PDZRN4: variants seen among roughly 807,000 people sequenced by gnomAD.
PDZRN4 encodes PDZ domain-containing RING finger protein 4.
Under a neutral mutation model 99.0 loss-of-function variants are expected in PDZRN4, and 70 were observed. The ratio of observed to expected loss-of-function variants is 0.71; its 90% CI spans 0.58 to 0.86. The LOEUF is 0.86. Among genes scored for constraint, PDZRN4 ranks in the 40% least tolerant of loss-of-function variants. PDZRN4 has a pLI of 0.00. For missense variants in PDZRN4, 1,474 were observed against 1,331.2 expected, an observed-to-expected ratio of 1.11 and a Z score of -1.67; for synonymous variants, 551 against 501.6, an observed-to-expected ratio of 1.10 and a Z score of -1.32.
intron 3 of PDZRN4, among the ~76,000 whole-genome samples, chr12:41,334,347 T>C (rs1346361431): frequency 6.8e-6 from 1 of 146,782 alleles, no homozygotes; most frequent in Non-Finnish European, 1.5e-5. Context: ...CTAAATATAA[T>C]GAAGCTTTAG....
chr12:41,201,450 T>C (rs1950815750), intron 3 of PDZRN4, among the ~76,000 whole-genome samples: 1 of 152,136 alleles, frequency 6.6e-6, no homozygotes. Context: ...TTTGATGTTC[T>C]TTTCCCCCAA....
intron 3 of PDZRN4, among the ~76,000 whole-genome samples, chr12:41,235,517 C>T (rs1391889257): frequency 2.6e-5 from 4 of 152,102 alleles, no homozygotes; most frequent in African/African-American, 9.7e-5. Flanking sequence ...GAGTGAGTTC[C>T]TATGCACACA....
At chr12:41,263,837 A>T (rs975473019) in intron 3 of PDZRN4, among the ~76,000 whole-genome samples, 51 of 152,314 alleles carry the variant, frequency 3.3e-4, no homozygotes, top group African/African-American at 1.1e-3. Context: ...TATCATATAT[A>T]ATCCCACACC....
intron 3 of PDZRN4, among the ~76,000 whole-genome samples, chr12:41,390,562 C>CAAAAAAAAAAA (rs766893966): frequency 1.5e-4 from 15 of 101,340 alleles, no homozygotes; most frequent in East Asian, 2.9e-4. Context: ...AACTCCTAAG[C>CAAAAAAAAAAA]AAAAAAAAAA....
intron 3 of PDZRN4, among the ~76,000 whole-genome samples, chr12:41,468,126 T>G (rs892865174): frequency 3.9e-5 from 6 of 152,162 alleles, no homozygotes; most frequent in Non-Finnish European, 7.4e-5. Flanking sequence ...TGAGGGATGT[T>G]GTAATAGGAG....
chr12:41,481,505 T>C (rs184156497), intron 3 of PDZRN4, among the ~76,000 whole-genome samples: 2 of 152,272 alleles, frequency 1.3e-5, no homozygotes, highest in African/African-American at 4.8e-5. Context: ...AATTTGAATC[T>C]GGTAAATTAG....
At chr12:41,273,593 T>TATAC (rs1951330450) in intron 3 of PDZRN4, among the ~76,000 whole-genome samples, 1 of 152,076 alleles carries the variant, frequency 6.6e-6, no homozygotes, top group Admixed American at 6.6e-5. Flanking sequence ...TTGGAAGTTT[T>TATAC]GACACTACTC....
In PDZRN4 at chr12:41,535,656, T is replaced by C. The variant is rs564695646; in HGVS notation, c.1204-17000T>C. Among the ~76,000 whole-genome samples, 4 of 152,292 alleles carry C rather than the reference T, an allele frequency of 2.6e-5. No individual in the cohort carries two copies. The East Asian group carries it at 7.7e-4, about 29-fold the overall frequency. ...AGGCTATTGGACCATGAGGGCTGTG[T>C]TCTCACAAATGCGTTAATGCTCTTA... On this transcript the variant is annotated intron_variant, in intron 5 of 9. Coordinates refer to ENST00000402685, the MANE Select transcript of PDZRN4 (RefSeq NM_001164595.2).
intron 3 of PDZRN4, among the ~76,000 whole-genome samples, chr12:41,368,325 C>A (rs1362890007): frequency 2.6e-5 from 4 of 152,010 alleles, no homozygotes; most frequent in Non-Finnish European, 5.9e-5. Context: ...TTGAGCATTT[C>A]CAGTATTTTC....
chr12:41,537,531 G>A lies in PDZRN4; in HGVS notation c.1204-15125G>A, dbSNP rs570278032. On this transcript the variant is annotated intron_variant, in intron 5 of 9. Transcript: ENST00000402685. ...TCAGTTTGGCTAGGTCGTCAGATGT[G>A]TGAGTGGAATAGTAGCAGATTTGGG... Among the ~76,000 whole-genome samples the A allele has an allele frequency of 5.3e-5, 8 of 152,250 alleles. No homozygotes were observed. In the East Asian group the frequency reaches 1.4e-3, roughly 26 times the overall value.
intron 3 of PDZRN4, among the ~76,000 whole-genome samples, chr12:41,287,262 C>T (rs911822265): frequency 5.9e-5 from 9 of 152,188 alleles, no homozygotes; most frequent in African/African-American, 1.4e-4. Context: ...CTGCTAGAGG[C>T]ATAGCCTAGA....
At chr12:41,338,773 A>T (rs560481846) in intron 3 of PDZRN4, among the ~76,000 whole-genome samples, 74 of 152,150 alleles carry the variant, frequency 4.9e-4, no homozygotes, top group African/African-American at 1.6e-3. Flanking sequence ...GAAACACTGA[A>T]CCAACCGATC....
At chr12:41,566,104 C>T (rs1939366464) in intron 8 of PDZRN4, among the ~76,000 whole-genome samples, 1 of 152,122 alleles carries the variant, frequency 6.6e-6, no homozygotes. Flanking sequence ...AAAGCCTTAT[C>T]AAAATAGACA....
intron 5 of PDZRN4, among the ~76,000 whole-genome samples, chr12:41,537,622 G>T (rs75556311): frequency 1.3e-5 from 2 of 152,154 alleles, no homozygotes; most frequent in Non-Finnish European, 1.5e-5. Flanking sequence ...TTGGACTTCA[G>T]TAGTGCTGTA....
chr12:41,188,579 C>A lies in PDZRN4; in HGVS notation c.124C>A (p.Leu42Met). The change falls in exon 1 of 10, where the codon CTG becomes ATG. Residue 42 changes from leucine to methionine, a missense_variant. Coordinates refer to ENST00000402685, the MANE Select transcript of PDZRN4 (RefSeq NM_001164595.2). ...PCGHVFCASC[L>M]LPWAVRRRRC... is the part of the protein sequence containing the mutation. Reference sequence around the variant, plus strand: ...CGGGCACGTCTTCTGCGCCAGCTGCCTGTTGCCCTGGGCGGTGCGGAGGCG... The same window carrying A: ...CGGGCACGTCTTCTGCGCCAGCTGCATGTTGCCCTGGGCGGTGCGGAGGCG... The A allele has an allele frequency of 6.5e-7, 1 of 1,545,242 alleles. No individual in the cohort carries two copies. Among genetic ancestry groups the A allele is most frequent in the Non-Finnish European group, 8.7e-7 (1 of 1,152,368 alleles).
chr12:41,486,334 T>G (rs902355853), intron 3 of PDZRN4, among the ~76,000 whole-genome samples: 5 of 152,206 alleles, frequency 3.3e-5, no homozygotes, highest in African/African-American at 4.8e-5. Flanking sequence ...ATCTTGTGTA[T>G]GGAGCCAGCC....
chr12:41,454,179 A>C (rs1021110590), intron 3 of PDZRN4, among the ~76,000 whole-genome samples: 2 of 152,166 alleles, frequency 1.3e-5, no homozygotes, highest in East Asian at 3.9e-4. Flanking sequence ...TTTTTCTTGG[A>C]TCTATTGAAT....
At chr12:41,206,399 T>A (rs961675457) in intron 3 of PDZRN4, among the ~76,000 whole-genome samples, 11 of 151,862 alleles carry the variant, frequency 7.2e-5, no homozygotes, top group Admixed American at 5.9e-4. Flanking sequence ...TGTATGCAGA[T>A]GACTCTGGCA....
At position 41,188,899 on chromosome 12, in the gene PDZRN4, G is replaced by C. The variant is rs1261993499; in HGVS notation, c.444G>C (p.Gly148=). 24 of 1,094,844 alleles carry C rather than the reference G, an allele frequency of 2.2e-5. No individual in the cohort carries two copies. The highest frequency in any genetic ancestry group is 2.7e-5 in the Non-Finnish European group (24 of 902,368). 67.8% of individuals were successfully genotyped at this position (1,094,844 alleles called of 1,614,324 possible). A position where few individuals can be genotyped will look rare whatever the true frequency, so the allele number is the denominator to read the frequency against. ...RAGRGGGARG[G]PPGGRWGRGR... is the part of the protein sequence containing the mutation. ...GCCGGGGCGGGGGCGCGCGCGGGGG[G>C]CCGCCGGGCGGCCGCTGGGGCCGCG... Residue 148 remains glycine (G), a synonymous_variant, in exon 1 of 10, where the codon GGG becomes GGC. Transcript: ENST00000402685.
Sources: allele counts gnomAD v4.1 joint callset (sites outside exome capture counted in the v4.1 genomes callset), GRCh38; gene constraint gnomAD v4.1.1; transcripts MANE v1.5; gene names NCBI Gene and HGNC (gene_info 2026-07-23, HGNC 2026-07-21).